The following GNA14 variants were observed in gnomAD, a reference collection of about 807,000 sequenced individuals.
GNA14 encodes the protein guanine nucleotide-binding protein subunit alpha-14.
A neutral mutation model predicts 42.0 loss-of-function variants in GNA14; 50 were observed. The observed-to-expected ratio is 1.19, with a 90% CI of 0.95 to 1.51. GNA14 has a LOEUF of 1.51. GNA14 is among the 40% of genes most tolerant of loss of function. GNA14 has a pLI of 0.00. For missense variants in GNA14, 473 were observed against 446.2 expected (o/e 1.06, Z -0.54); for synonymous variants, 173 against 163.1 (o/e 1.06, Z -0.46).
chr9:77,446,735 G>A (rs1419099922), intron 2 of GNA14, among the ~76,000 whole-genome samples: 4 of 152,160 alleles, frequency 2.6e-5, no homozygotes, highest in African/African-American at 7.2e-5. Context: ...GGATTGACAC[G>A]GATGTGACTA....
intron 1 of GNA14, among the ~76,000 whole-genome samples, chr9:77,641,627 C>T (rs1824269230): frequency 6.6e-6 from 1 of 152,064 alleles, no homozygotes; most frequent in Non-Finnish European, 1.5e-5. Context: ...GTCGTAGAAG[C>T]AATGACTTTG....
chr9:77,569,823 G>A (rs944983016), intron 1 of GNA14, among the ~76,000 whole-genome samples: 3 of 150,404 alleles, frequency 2.0e-5, no homozygotes, highest in African/African-American at 7.4e-5. Context: ...CAGGAGTGCT[G>A]TGGCACAATC....
At chr9:77,448,450 A>G (rs758223907) in intron 2 of GNA14, among the ~76,000 whole-genome samples, 2 of 152,228 alleles carry the variant, frequency 1.3e-5, no homozygotes, top group Non-Finnish European at 2.9e-5. Flanking sequence ...GATTTTGCCC[A>G]GCTGTAGGCT....
intron 1 of GNA14, among the ~76,000 whole-genome samples, chr9:77,601,369 C>G (rs1254513815): frequency 6.6e-6 from 1 of 152,152 alleles, no homozygotes; most frequent in Non-Finnish European, 1.5e-5. Context: ...ATCTTTTACT[C>G]AAGATTAATC....
chr9:77,518,437 G>T (rs1156552263), intron 2 of GNA14, among the ~76,000 whole-genome samples: 1 of 151,996 alleles, frequency 6.6e-6, no homozygotes, highest in South Asian at 2.1e-4. Context: ...AGACATTCTA[G>T]ATCAACACAA....
intron 2 of GNA14, among the ~76,000 whole-genome samples, chr9:77,459,061 G>T (rs1264321063): frequency 1.3e-5 from 2 of 152,044 alleles, no homozygotes; most frequent in African/African-American, 4.8e-5. Flanking sequence ...TAATGCCACT[G>T]AATTGTACAC....
chr9:77,593,733 A>G (rs527333381), intron 1 of GNA14, among the ~76,000 whole-genome samples: 1 of 152,322 alleles, frequency 6.6e-6, no homozygotes, highest in East Asian at 1.9e-4. Flanking sequence ...GTCACAACAC[A>G]TCCTGCAAAG....
At position 77,423,768 on chromosome 9, in the gene GNA14, A is replaced by T; in HGVS notation, c.*211T>A. The T allele has an allele frequency of 8.7e-6, 3 of 344,466 alleles. No individual in the cohort carries two copies. The highest frequency in any genetic ancestry group is 1.6e-5 in the Non-Finnish European group (3 of 191,492). 21.3% of individuals were successfully genotyped at this position (344,466 alleles called of 1,614,324 possible). On this transcript the variant is annotated 3_prime_UTR_variant, in exon 7 of 7. Coordinates refer to ENST00000341700, the MANE Select transcript of GNA14 (RefSeq NM_004297.4). The stretch of plus-strand genomic sequence containing the variant: ...AGCCAAAAGTCAAGAAAATAATTAT[A>T]AACACAATTTGGGATGTAAGGACTT...
At chr9:77,608,287 A>G (rs1468680968) in intron 1 of GNA14, among the ~76,000 whole-genome samples, 1 of 152,204 alleles carries the variant, frequency 6.6e-6, no homozygotes, top group Non-Finnish European at 1.5e-5. Context: ...TGCATCATCA[A>G]TGGATTTTGA....
At chr9:77,606,137 G>A (rs906308730) in intron 1 of GNA14, among the ~76,000 whole-genome samples, 7 of 152,088 alleles carry the variant, frequency 4.6e-5, no homozygotes, top group Admixed American at 2.6e-4. Flanking sequence ...TCTAGCAGAA[G>A]GAAGAAAACT....
intron 1 of GNA14, among the ~76,000 whole-genome samples, chr9:77,597,151 T>C (rs1205407234): frequency 2.0e-5 from 3 of 152,210 alleles, no homozygotes; most frequent in Non-Finnish European, 4.4e-5. Flanking sequence ...CTATCTTATT[T>C]CAAGTCTTGA....
At chr9:77,527,820 A>G (rs915065783) in intron 2 of GNA14, among the ~76,000 whole-genome samples, 3 of 152,166 alleles carry the variant, frequency 2.0e-5, no homozygotes. Context: ...ATTTTAGTAG[A>G]GACGGGGTTT....
At chr9:77,580,556 T>C (rs576269386) in intron 1 of GNA14, 30 of 500,524 alleles carry the variant, frequency 6.0e-5, no homozygotes, top group Non-Finnish European at 9.8e-5. Context: ...CAGATGTTCC[T>C]ATTAAAGAAT....
chr9:77,436,625 C>T (rs191877654), intron 2 of GNA14, among the ~76,000 whole-genome samples: 8 of 152,236 alleles, frequency 5.3e-5, no homozygotes, highest in South Asian at 4.2e-4. Flanking sequence ...CCCCTCCTCT[C>T]GCCACGCTCT....
At chr9:77,559,751 C>T (rs1443867) in intron 1 of GNA14, among the ~76,000 whole-genome samples, 4,002 of 152,260 alleles carry the variant, frequency 0.026, 168 homozygotes, top group African/African-American at 0.091. Context: ...ATGTGCATTC[C>T]CCTTTCCCAA....
chr9:77,557,945 G>A (rs931959832), intron 1 of GNA14, among the ~76,000 whole-genome samples: 4 of 152,112 alleles, frequency 2.6e-5, no homozygotes, highest in African/African-American at 9.7e-5. Flanking sequence ...GGCTAAATGA[G>A]CCTTTCCTCA....
At position 77,584,028 on chromosome 9, in the gene GNA14, G is replaced by A. The variant is rs370043309; in HGVS notation, c.125-54775C>T. Among the ~76,000 whole-genome samples, 169 of 152,302 alleles carry A rather than the reference G, an allele frequency of 1.1e-3. 1 individual carries two copies. The highest frequency in any genetic ancestry group is 3.8e-3 in the African/African-American group (160 of 41,570). On this transcript the variant is annotated intron_variant, in intron 1 of 6. Coordinates refer to ENST00000341700, the MANE Select transcript of GNA14 (RefSeq NM_004297.4). ...AAACACAGCTAACCTCACTTGGTCT[G>A]TCAGATGACCTCCCAACAGAGAATG...
intron 2 of GNA14, among the ~76,000 whole-genome samples, chr9:77,435,033 G>A (rs571802750): frequency 6.8e-6 from 1 of 146,610 alleles, no homozygotes; most frequent in African/African-American, 2.5e-5. Context: ...ATCAGTCTGG[G>A]ATTTTGTTCT....
intron 1 of GNA14, among the ~76,000 whole-genome samples, chr9:77,608,479 C>G (rs1028234611): frequency 5.9e-5 from 9 of 152,134 alleles, no homozygotes; most frequent in African/African-American, 2.2e-4. Flanking sequence ...AAGGCCCACC[C>G]CATGTGATTC....
Sources: allele counts gnomAD v4.1 joint callset (sites outside exome capture counted in the v4.1 genomes callset), GRCh38; gene constraint gnomAD v4.1.1; transcripts MANE v1.5; gene names NCBI Gene and HGNC (gene_info 2026-07-23, HGNC 2026-07-21).